Variants in ADAM10 observed in about 807,000 individuals in gnomAD.
The protein encoded by ADAM10 is disintegrin and metalloproteinase domain-containing protein 10.
In ADAM10, 17 loss-of-function variants were observed where a neutral mutation model predicts 90.1. The ratio of observed to expected loss-of-function variants is 0.19; its 90% CI spans 0.13 to 0.28. The LOEUF is 0.28. Among genes scored for constraint, ADAM10 ranks in the 10% least tolerant of loss-of-function variants. The pLI is 1.00. For missense variants in ADAM10, 610 were observed against 914.3 expected (o/e 0.67, Z 4.29); for synonymous variants, 310 against 298.6 (o/e 1.04, Z -0.40).
chr15:58,682,021 T>C (rs1315914681), intron 3 of ADAM10, among the ~76,000 whole-genome samples, 175 bp downstream of exon 3: 1 of 152,158 alleles, frequency 6.6e-6, no homozygotes, highest in African/African-American at 2.4e-5. Flanking sequence ...TAAACATACA[T>C]GTAAAGATAG....
At chr15:58,737,485 T>C (rs1899468350) in intron 1 of ADAM10, among the ~76,000 whole-genome samples, 2 of 152,274 alleles carry the variant, frequency 1.3e-5, no homozygotes, top group South Asian at 4.1e-4. Flanking sequence ...AGATCTGGCT[T>C]CCCTCAACTG....
chr15:58,639,573 TA>T (rs1896359107), intron 8 of ADAM10, among the ~76,000 whole-genome samples: 1 of 151,880 alleles, frequency 6.6e-6, no homozygotes, highest in Non-Finnish European at 1.5e-5. Flanking sequence ...CTAATCCAAG[TA>T]ACAAAAAAGT....
chr15:58,691,155 G>A (rs1465463836), intron 2 of ADAM10: 1 of 702,458 alleles, frequency 1.4e-6, no homozygotes, highest in Non-Finnish European at 2.7e-6. Context: ...AAGCCTACTG[G>A]AGATTGTCAC....
At chr15:58,631,008 C>G (rs1377804149) in intron 9 of ADAM10, among the ~76,000 whole-genome samples, 1 of 152,032 alleles carries the variant, frequency 6.6e-6, no homozygotes, top group African/African-American at 2.4e-5. Context: ...CTCTTAGTTT[C>G]TGCAAGAGCT....
chr15:58,704,797 C>T (rs1485216984), intron 2 of ADAM10, among the ~76,000 whole-genome samples: 4 of 152,052 alleles, frequency 2.6e-5, no homozygotes, highest in Non-Finnish European at 5.9e-5. Flanking sequence ...ACAAAGGAGA[C>T]ACGATGAATA....
At chr15:58,682,444 GAC>G in intron 2 of ADAM10, 130 bp from the exon 3 acceptor site, 1 of 1,397,010 alleles carries the variant, frequency 7.2e-7, no homozygotes, top group Non-Finnish European at 9.4e-7. Context: ...GAAATACGCT[GAC>G]CAAGATTTTT....
rs534938418 is a variant in ADAM10, at chr15:58,687,707, G to T, written c.207-5393C>A. On this transcript the variant is annotated intron_variant, in intron 2 of 15. Coordinates refer to ENST00000260408, the MANE Select transcript of ADAM10 (RefSeq NM_001110.4). ...AAACTGTGGTATATCCATACAATAG[G>T]ATAGAATTTAGTAATAAAAAGGAAC... 5.9e-5 allele frequency among the ~76,000 whole-genome samples: 9 copies of T among 151,722 alleles called. No homozygotes were observed. The South Asian group carries it at 6.2e-4, about 11-fold the overall frequency.
chr15:58,725,513 G>C (rs1460390848), intron 1 of ADAM10, among the ~76,000 whole-genome samples: 1 of 151,314 alleles, frequency 6.6e-6, no homozygotes, highest in Admixed American at 6.6e-5. Flanking sequence ...AACAGCCTCA[G>C]CAACAAAGTG....
At chr15:58,645,089 A>G (rs1009890215) in intron 6 of ADAM10, among the ~76,000 whole-genome samples, 5 of 152,228 alleles carry the variant, frequency 3.3e-5, no homozygotes, top group African/African-American at 9.6e-5. Flanking sequence ...TCTCAAAGTT[A>G]TTTTCAAAGA....
At chr15:58,621,323 C>A (rs1895780261) in intron 11 of ADAM10, 148 bp downstream of exon 11, 2 of 757,796 alleles carry the variant, frequency 2.6e-6, no homozygotes, top group East Asian at 5.9e-5. Flanking sequence ...GAGCAGTAAC[C>A]AACACTACTT....
At chr15:58,749,399 G>A in intron 1 of ADAM10, 81 bp downstream of exon 1, 1 of 1,309,578 alleles carries the variant, frequency 7.6e-7, no homozygotes, top group Non-Finnish European at 9.7e-7. Flanking sequence ...CGCACGCCGC[G>A]AGGCGCGACT....
chr15:58,650,017 T>C (rs549046798), intron 5 of ADAM10, among the ~76,000 whole-genome samples: 77 of 152,298 alleles, frequency 5.1e-4, no homozygotes, highest in African/African-American at 1.7e-3. Flanking sequence ...TATCCAAATC[T>C]AAATCCATCA....
At chr15:58,746,389 T>C (rs1267829478) in intron 1 of ADAM10, among the ~76,000 whole-genome samples, 1 of 152,146 alleles carries the variant, frequency 6.6e-6, no homozygotes, top group Admixed American at 6.5e-5. Context: ...ATCAGAGAAG[T>C]GCCTGCCATG....
At chr15:58,698,115 G>A (rs1427008381) in intron 2 of ADAM10, among the ~76,000 whole-genome samples, 1 of 151,946 alleles carries the variant, frequency 6.6e-6, no homozygotes, top group Non-Finnish European at 1.5e-5. Context: ...ATAAAGCAAG[G>A]AAATATGACC....
At chr15:58,736,610 AATAAT>A (rs1169198750) in intron 1 of ADAM10, among the ~76,000 whole-genome samples, 56 of 152,302 alleles carry the variant, frequency 3.7e-4, no homozygotes, top group African/African-American at 1.1e-3. Context: ...GAGGGAAAAA[AATAAT>A]ATATTATTAA....
chr15:58,684,566 T>C (rs181353339), intron 2 of ADAM10, among the ~76,000 whole-genome samples: 16 of 152,332 alleles, frequency 1.1e-4, no homozygotes, highest in African/African-American at 2.6e-4. Context: ...ACTGAGTTGA[T>C]TGGAGGGTAG....
intron 1 of ADAM10, chr15:58,732,953 GAATTCGTGATGGAAC>G (rs1489824380): frequency 6.6e-6 from 1 of 152,560 alleles, no homozygotes; most frequent in Non-Finnish European, 1.5e-5. Flanking sequence ...GCATATAAGA[GAATTCGTGATGGAAC>G]AAGGCCTTAT....
chr15:58,621,262 C>CAAAAAAAAAAA (rs749439192), intron 11 of ADAM10, among the ~76,000 whole-genome samples: 1 of 25,264 alleles, frequency 4.0e-5, no homozygotes, highest in African/African-American at 9.1e-5. Flanking sequence ...GACCCTGTCT[C>CAAAAAAAAAAA]AAAAAAAAAA....
rs1298308711 is a variant in ADAM10, at chr15:58,590,869, T to A, written c.*6678A>T. The stretch of plus-strand genomic sequence containing the variant: ...CATGCAAATGGAACCACTTTTTATA[T>A]AAGACAACCTACACTCTTATCAAAT... On this transcript the variant is annotated 3_prime_UTR_variant, in exon 16 of 16. Transcript: ENST00000260408. 2 of 152,206 alleles carry A rather than the reference T, an allele frequency of 1.3e-5. No individual in the cohort carries two copies. The highest frequency in any genetic ancestry group is 2.4e-5 in the African/African-American group (1 of 41,458). The allele number at this position is 152,206 out of a possible 1,614,324, so 9.4% of individuals were successfully genotyped here.
Sources: allele counts gnomAD v4.1 joint callset (sites outside exome capture counted in the v4.1 genomes callset), GRCh38; gene constraint gnomAD v4.1.1; transcripts MANE v1.5; gene names NCBI Gene and HGNC (gene_info 2026-07-23, HGNC 2026-07-21).